The following TAOK1 variants were observed in gnomAD, a reference collection of about 807,000 sequenced individuals.
TAOK1 encodes TAO kinase 1.
TAOK1 carries 21 observed loss-of-function variants against 138.3 expected under a neutral mutation model. That is an observed-to-expected ratio of 0.15 (90% CI 0.11 to 0.22). The LOEUF is 0.22. Among genes scored for constraint, TAOK1 ranks in the 10% least tolerant of loss-of-function variants. The pLI is 1.00. For missense variants in TAOK1, 651 were observed against 1,227.7 expected (o/e 0.53, Z 7.02); for synonymous variants, 361 against 398.4 (o/e 0.91, Z 1.12).
At chr17:29,524,472 C>T (rs565068126) in intron 17 of TAOK1, among the ~76,000 whole-genome samples, 142 of 152,174 alleles carry the variant, frequency 9.3e-4, no homozygotes, top group African/African-American at 2.9e-3. Context: ...AACAGTAGTC[C>T]GATTCTCTCA....
At chr17:29,477,242 A>G (rs1017805226) in intron 4 of TAOK1, among the ~76,000 whole-genome samples, 2 of 152,170 alleles carry the variant, frequency 1.3e-5, no homozygotes, top group African/African-American at 4.8e-5. Context: ...ATATAATTCT[A>G]GAGAACACAG....
At chr17:29,411,337 C>T (rs1190013865) in intron 1 of TAOK1, among the ~76,000 whole-genome samples, 4 of 151,764 alleles carry the variant, frequency 2.6e-5, no homozygotes, top group South Asian at 4.1e-4. Flanking sequence ...GTGATCCGCC[C>T]GCCTCGGCCT....
chr17:29,400,823 C>G (rs1485615273), intron 1 of TAOK1, among the ~76,000 whole-genome samples: 1 of 149,714 alleles, frequency 6.7e-6, no homozygotes, highest in African/African-American at 2.5e-5. Flanking sequence ...GTCACAATAA[C>G]AATTTTAAAA....
chr17:29,404,734 G>A (rs1904946235), intron 1 of TAOK1, among the ~76,000 whole-genome samples: 1 of 152,092 alleles, frequency 6.6e-6, no homozygotes, highest in Non-Finnish European at 1.5e-5. Flanking sequence ...GAGTTACAGT[G>A]AGCCATGGTT....
chr17:29,424,065 A>C (rs78108789), intron 1 of TAOK1, among the ~76,000 whole-genome samples: 1 of 137,506 alleles, frequency 7.3e-6, no homozygotes, highest in South Asian at 2.4e-4. Flanking sequence ...AAAAAAAAAA[A>C]AGCAAACTTG....
chr17:29,503,148 G>T (rs1473906497), intron 13 of TAOK1, among the ~76,000 whole-genome samples: 1 of 152,132 alleles, frequency 6.6e-6, no homozygotes. Context: ...TGTAATCCCA[G>T]CACTTTGGGA....
At chr17:29,451,095 ACT>A (rs2030222074) in intron 1 of TAOK1, among the ~76,000 whole-genome samples, 1 of 152,236 alleles carries the variant, frequency 6.6e-6, no homozygotes, top group African/African-American at 2.4e-5. Flanking sequence ...TGTCAGAAAT[ACT>A]GTGGGCACAT....
At chr17:29,515,925 ATTTG>A (rs1326599097) in intron 15 of TAOK1, among the ~76,000 whole-genome samples, 2 of 151,826 alleles carry the variant, frequency 1.3e-5, no homozygotes, top group Non-Finnish European at 2.9e-5. Context: ...AAGAACTTTT[ATTTG>A]TTTATTTTAA....
intron 15 of TAOK1, among the ~76,000 whole-genome samples, chr17:29,516,500 A>ATT (rs1234221673): frequency 4.9e-5 from 5 of 102,168 alleles, no homozygotes; most frequent in Non-Finnish European, 1.1e-4. Context: ...ACACCTGGCT[A>ATT]ATTTTTTTTT....
chr17:29,541,860 T>A (rs1263612333), intron 19 of TAOK1, among the ~76,000 whole-genome samples: 1 of 152,120 alleles, frequency 6.6e-6, no homozygotes, highest in Non-Finnish European at 1.5e-5. Flanking sequence ...TCTTTTTATT[T>A]TTTTATTTTA....
chr17:29,533,569 G>A (rs957699487), intron 18 of TAOK1, among the ~76,000 whole-genome samples: 172 of 152,106 alleles, frequency 1.1e-3, no homozygotes, highest in African/African-American at 4.0e-3. Context: ...CTGAGTGAAC[G>A]AGACTCCGTC....
chr17:29,435,427 T>C (rs1905995648), intron 1 of TAOK1, among the ~76,000 whole-genome samples: 2 of 152,202 alleles, frequency 1.3e-5, no homozygotes, highest in Non-Finnish European at 2.9e-5. Context: ...GCCTAAAGTA[T>C]AGCAAGAATA....
chr17:29,409,847 T>C (rs747693840), intron 1 of TAOK1, among the ~76,000 whole-genome samples: 17 of 152,152 alleles, frequency 1.1e-4, no homozygotes, highest in Non-Finnish European at 2.1e-4. Context: ...GTGTGTAGCC[T>C]TATTTTAGGA....
chr17:29,512,011 A>G (rs547281), intron 15 of TAOK1: 32,844 of 151,396 alleles, frequency 0.22, 4,014 homozygotes, highest in Non-Finnish European at 0.27. Flanking sequence ...ACAGGGTTTC[A>G]TATTTGTTTG....
chr17:29,475,010 G>T (rs140134414), intron 3 of TAOK1, among the ~76,000 whole-genome samples: 1 of 151,856 alleles, frequency 6.6e-6, no homozygotes, highest in African/African-American at 2.4e-5. Flanking sequence ...GCTCGATCTC[G>T]GCTCACTGCA....
chr17:29,405,152 G>GTA lies in TAOK1; in HGVS notation c.-95+14138_-95+14139dup, dbSNP rs1446793038. On this transcript the variant is annotated intron_variant, in intron 1 of 19. Transcript: ENST00000261716. Reference sequence around the variant, plus strand: ...GTGCCACCAGGCCCAGCTTATTTTTGTATATATATATTTTTAGTAGAGATG... The same window carrying GTA: ...GTGCCACCAGGCCCAGCTTATTTTTGTATATATATATATTTTTAGTAGAGATG... 1.3e-4 allele frequency among the ~76,000 whole-genome samples: 20 copies of GTA among 151,972 alleles called. No individual in the cohort carries two copies. The East Asian group carries it at 3.3e-3, about 25-fold the overall frequency.
chr17:29,502,749 A>G (rs748342263), intron 13 of TAOK1, 26 bp downstream of exon 13: 2 of 1,598,196 alleles, frequency 1.3e-6, no homozygotes, highest in African/African-American at 2.7e-5. Flanking sequence ...AATTAGAGAT[A>G]AATATATTTT....
intron 1 of TAOK1, among the ~76,000 whole-genome samples, chr17:29,394,164 T>TTTG (rs1237343603): frequency 3.2e-5 from 4 of 123,130 alleles, no homozygotes; most frequent in Non-Finnish European, 6.8e-5. Flanking sequence ...TTTTTTTTTT[T>TTTG]TTTTTTTTTT....
chr17:29,542,112 C>T (rs935017321), intron 19 of TAOK1, among the ~76,000 whole-genome samples: 6 of 152,246 alleles, frequency 3.9e-5, no homozygotes, highest in Middle Eastern at 3.4e-3. Context: ...CTCCTGACCT[C>T]ATGATCCGCC....
Sources: gnomAD v4.1 joint callset for allele counts (sites outside exome capture counted in the v4.1 genomes callset) on GRCh38, gnomAD v4.1.1 for gene constraint, MANE v1.5 for transcripts, NCBI Gene and HGNC (gene_info 2026-07-23, HGNC 2026-07-21) for gene names.